The following FBXL13 variants were observed in gnomAD, a reference collection of about 807,000 sequenced individuals.
The protein encoded by FBXL13 is F-box and leucine rich repeat protein 13, also known as F-box and leucine-rich repeat protein 13.
FBXL13 carries 67 observed loss-of-function variants against 83.6 expected under a neutral mutation model. The ratio of observed to expected loss-of-function variants is 0.80; its 90% confidence interval spans 0.66 to 0.98. The LOEUF (loss-of-function observed/expected upper bound fraction) is 0.98. Among genes scored for constraint, FBXL13 ranks in the 50% least tolerant of loss-of-function variants. FBXL13 has a pLI of 0.00. For synonymous variants in FBXL13, 272 were observed against 299.5 expected (o/e 0.91, Z 0.95); for missense variants, 822 against 866.5 (o/e 0.95, Z 0.64).
intron 17 of FBXL13, among the ~76,000 whole-genome samples, chr7:102,837,937 A>AT (rs1364611902): frequency 1.3e-5 from 2 of 152,204 alleles, no homozygotes; most frequent in Non-Finnish European, 2.9e-5. Context: ...TCCATGTCTA[A>AT]TTTATCTTTG....
In FBXL13 at chr7:102,931,870, C is replaced by T; in HGVS notation, c.777+11G>A. On this transcript the variant is annotated intron_variant, in intron 9 of 19. Transcript: ENST00000313221. ...ATATAAACAGCAGTAAAAATGGTTG[C>T]TTATACTCACTGTGAATGTTGGGCA... 1 of 1,612,812 alleles carries T rather than the reference C, an allele frequency of 6.2e-7. No homozygotes were observed. The highest frequency in any genetic ancestry group is 8.5e-7 in the Non-Finnish European group (1 of 1,179,276).
chr7:102,973,813 C>T (rs1231026752), intron 6 of FBXL13: 3 of 724,486 alleles, frequency 4.1e-6, no homozygotes, highest in East Asian at 5.1e-5. Flanking sequence ...AAAATCCATA[C>T]AGCCTCTCTT....
At chr7:102,968,363 T>C (rs2129480972) in intron 6 of FBXL13, among the ~76,000 whole-genome samples, 1 of 152,340 alleles carries the variant, frequency 6.6e-6, no homozygotes. Context: ...ATCCTTTTAA[T>C]TGATAGTGGC....
intron 1 of FBXL13, among the ~76,000 whole-genome samples, chr7:103,058,954 T>C (rs991533561): frequency 2.6e-5 from 4 of 152,192 alleles, no homozygotes; most frequent in African/African-American, 9.7e-5. Context: ...AATGCACACT[T>C]TTCACATAGG....
intron 10 of FBXL13, among the ~76,000 whole-genome samples, chr7:102,915,025 C>T (rs1815554415): frequency 6.6e-6 from 1 of 152,056 alleles, no homozygotes; most frequent in Admixed American, 6.6e-5. Context: ...GTTTTTGAAT[C>T]CGGCCAAATG....
intron 8 of FBXL13, among the ~76,000 whole-genome samples, chr7:102,942,641 A>G (rs1821677729): frequency 6.6e-6 from 1 of 152,200 alleles, no homozygotes; most frequent in African/African-American, 2.4e-5. Flanking sequence ...GAATTTTAGC[A>G]AATAGAAAAA....
At chr7:103,003,382 G>C (rs1790641286) in intron 6 of FBXL13, among the ~76,000 whole-genome samples, 1 of 146,562 alleles carries the variant, frequency 6.8e-6, no homozygotes, top group Admixed American at 6.9e-5. Context: ...CCACCTCCTG[G>C]GTTCAAGCAA....
At chr7:102,927,522 A>G (rs1453520305) in intron 9 of FBXL13, among the ~76,000 whole-genome samples, 1 of 152,228 alleles carries the variant, frequency 6.6e-6, no homozygotes, top group Non-Finnish European at 1.5e-5. Context: ...TTTTAAAACA[A>G]TAAAATCCTG....
At chr7:103,026,010 TTGA>T (rs964880940) in intron 5 of FBXL13, among the ~76,000 whole-genome samples, 5 of 150,772 alleles carry the variant, frequency 3.3e-5, no homozygotes, top group African/African-American at 9.7e-5. Flanking sequence ...TACATATATC[TTGA>T]TGATATTATA....
intron 8 of FBXL13, among the ~76,000 whole-genome samples, chr7:102,945,726 T>C (rs1019019909): frequency 5.9e-5 from 9 of 152,238 alleles, no homozygotes; most frequent in Admixed American, 3.9e-4. Flanking sequence ...GAGATACTAC[T>C]TTTTCCTTTT....
intron 8 of FBXL13, among the ~76,000 whole-genome samples, chr7:102,956,333 GC>G (rs1342697004): frequency 2.6e-5 from 4 of 151,766 alleles, no homozygotes; most frequent in African/African-American, 9.7e-5. Context: ...AAATTCAACA[GC>G]CCTTCATGCT....
At chr7:102,867,704 T>A (rs1485622593) in intron 16 of FBXL13, among the ~76,000 whole-genome samples, 1,072 of 111,944 alleles carry the variant, frequency 9.6e-3, no homozygotes, top group East Asian at 0.025. Flanking sequence ...TATTTTTTTT[T>A]TTTTTTTTTT....
intron 11 of FBXL13, among the ~76,000 whole-genome samples, chr7:102,891,814 A>G (rs1811573043): frequency 6.6e-6 from 1 of 152,220 alleles, no homozygotes. Context: ...AAGCAGGCTG[A>G]TCCATCCTAA....
At chr7:103,000,766 C>T (rs1790300653) in intron 6 of FBXL13, among the ~76,000 whole-genome samples, 1 of 152,148 alleles carries the variant, frequency 6.6e-6, no homozygotes, top group Non-Finnish European at 1.5e-5. Flanking sequence ...TCTGAATGCT[C>T]CAATATTGGA....
intron 6 of FBXL13, among the ~76,000 whole-genome samples, chr7:102,972,553 A>G (rs1218909020): frequency 6.6e-6 from 1 of 152,142 alleles, no homozygotes; most frequent in Non-Finnish European, 1.5e-5. Flanking sequence ...TAAATAGTAC[A>G]CTACTTGGTA....
intron 19 of FBXL13, among the ~76,000 whole-genome samples, chr7:102,817,058 G>T (rs1371760574): frequency 1.3e-5 from 2 of 152,166 alleles, no homozygotes. Context: ...GAATGATGCT[G>T]CAATAAACAT....
chr7:102,926,289 A>C (rs1818122112), exon 10 of FBXL13: 1 of 1,613,578 alleles, frequency 6.2e-7, no homozygotes, highest in South Asian at 1.1e-5. Context: ...CAGGAGTCGC[A>C]TCGTCCTGTT....
chr7:102,903,543 C>T (rs1168543628), intron 11 of FBXL13, among the ~76,000 whole-genome samples: 1 of 152,070 alleles, frequency 6.6e-6, no homozygotes, highest in African/African-American at 2.4e-5. Flanking sequence ...ATGATACTAG[C>T]TGTGGGCCTG....
chr7:102,813,533 TGTAATAACA>T lies in FBXL13; in HGVS notation c.2019-11_2019-3del. ...GATGACATTCTTTGAGCTGCCTTCC[TGTAATAACA>T]GTGCTTAGCATTAGCTAGTTGCAGA... On this transcript the variant is annotated splice_polypyrimidine_tract_variant and splice_region_variant and intron_variant, in intron 19 of 19. Transcript: ENST00000313221. 1 of 1,613,690 alleles carries T rather than the reference TGTAATAACA, an allele frequency of 6.2e-7. No homozygotes were observed. Among genetic ancestry groups the T allele is most frequent in the Non-Finnish European group, 8.5e-7 (1 of 1,179,800 alleles).
Sources: allele counts gnomAD v4.1 joint callset (sites outside exome capture counted in the v4.1 genomes callset), GRCh38; gene constraint gnomAD v4.1.1; transcripts MANE v1.5; gene names NCBI Gene and HGNC (gene_info 2026-07-23, HGNC 2026-07-21).